The following ANKRD44 variants were observed in gnomAD, a reference collection of about 807,000 sequenced individuals.
ANKRD44 encodes serine/threonine-protein phosphatase 6 regulatory ankyrin repeat subunit B.
ANKRD44 carries 35 observed loss-of-function variants against 116.0 expected under a neutral mutation model. The observed-to-expected ratio is 0.30, with a 90% CI of 0.23 to 0.40. The LOEUF (loss-of-function observed/expected upper bound fraction) is 0.40. Ranked by LOEUF, ANKRD44 falls within the 10% of genes least tolerant of loss-of-function variation. The probability of loss-of-function intolerance (pLI) is 1.00; values close to 1 mark genes in which losing one functional copy is unlikely to be tolerated. For synonymous variants in ANKRD44, 435 were observed against 461.8 expected (o/e 0.94, Z 0.74); for missense variants, 1,014 against 1,242.6 (o/e 0.82, Z 2.77).
intron 4 of ANKRD44, among the ~76,000 whole-genome samples, chr2:197,133,763 T>A (rs1204811134): frequency 1.3e-5 from 2 of 152,026 alleles, no homozygotes; most frequent in Non-Finnish European, 2.9e-5. Context: ...TCCCCAACTA[T>A]TAGTTAGGAG....
intron 8 of ANKRD44, among the ~76,000 whole-genome samples, chr2:197,117,159 C>T (rs754171770): frequency 4.6e-5 from 7 of 150,592 alleles, no homozygotes; most frequent in Non-Finnish European, 7.4e-5. Context: ...GGCCCCAGAA[C>T]GGAACACTTA....
In ANKRD44 at chr2:197,077,128, G is replaced by A. The variant is rs111662302; in HGVS notation, c.1650+1575C>T. On this transcript the variant is annotated intron_variant, in intron 16 of 27. Transcript: ENST00000282272. Reference sequence around the variant, plus strand: ...ACTAATTTACACTCCCACCAACAATGTATAAACATTCCCTCTTCTCCACAA... The same window carrying A: ...ACTAATTTACACTCCCACCAACAATATATAAACATTCCCTCTTCTCCACAA... 2.6e-3 allele frequency among the ~76,000 whole-genome samples: 398 copies of A among 152,246 alleles called. 1 individual carries two copies. The highest frequency in any genetic ancestry group is 9.0e-3 in the African/African-American group (374 of 41,546).
chr2:197,020,820 T>TATAAACA (rs2076483107), intron 17 of ANKRD44, among the ~76,000 whole-genome samples: 2 of 151,364 alleles, frequency 1.3e-5, no homozygotes, highest in African/African-American at 4.9e-5. Flanking sequence ...TTATTATACT[T>TATAAACA]TAAGTTCTAG....
chr2:197,018,898 C>A (rs1220388593), intron 17 of ANKRD44, among the ~76,000 whole-genome samples: 4 of 152,130 alleles, frequency 2.6e-5, no homozygotes, highest in Admixed American at 1.3e-4. Context: ...GATGAAAAAA[C>A]CAAAACAAGC....
chr2:197,060,416 T>A (rs1046484308), intron 16 of ANKRD44, among the ~76,000 whole-genome samples: 1 of 152,206 alleles, frequency 6.6e-6, no homozygotes. Context: ...CAAGAAAAAA[T>A]TGCATGTATT....
rs761420474 is a variant in ANKRD44 at position 197,078,785 on chromosome 2, G to C, written c.1568C>G (p.Ala523Gly). 11 of 1,612,918 alleles carry C rather than the reference G, an allele frequency of 6.8e-6. No homozygotes were observed. The highest frequency in any genetic ancestry group is 8.5e-6 in the Non-Finnish European group (10 of 1,179,220). Residue 523 changes from alanine (A) to glycine (G), a missense_variant, in exon 16 of 28, where the codon GCA becomes GGA. Transcript: ENST00000282272. ...TTCCTTGTCCCGGATAGATGGATTT[G>C]CATCATTTTGAAGCAGAAACTCTAG... ...LCLEFLLQNDANPSIRDKEGY... is the reference protein window; with the variant it reads ...LCLEFLLQNDGNPSIRDKEGY...
At chr2:197,062,067 C>T (rs2077328000) in intron 16 of ANKRD44, among the ~76,000 whole-genome samples, 1 of 152,236 alleles carries the variant, frequency 6.6e-6, no homozygotes, top group Admixed American at 6.5e-5. Flanking sequence ...AGGCGTGAGC[C>T]ACCACACCCT....
chr2:197,005,888 C>T lies in ANKRD44; in HGVS notation c.2153G>A (p.Cys718Tyr), dbSNP rs1198495217. 6.2e-7 allele frequency: 1 copy of T among 1,614,240 alleles called. No individual in the cohort carries two copies. ...TTCTTGTTCCAGCAGCATTTGCACA[C>T]ATTCCTCGTGTCCTGTCATAATCTG... ...HRGIMTGHEE[C>Y]VQMLLEQEVS... The change falls in exon 21 of 28, where the codon TGT becomes TAT. Residue 718 changes from cysteine (C) to tyrosine (Y), a missense_variant. Physicochemically the swap from Cys to Tyr is radical, Grantham distance 194 (BLOSUM62 -2). Coordinates refer to ENST00000282272, the MANE Select transcript of ANKRD44 (RefSeq NM_001195144.2).
At chr2:197,256,805 A>G (rs1238256941) in intron 1 of ANKRD44, among the ~76,000 whole-genome samples, 1 of 152,170 alleles carries the variant, frequency 6.6e-6, no homozygotes, top group African/African-American at 2.4e-5. Flanking sequence ...CTCCTGTGCA[A>G]TGGGAGGCAG....
chr2:197,155,388 T>A (rs966003328), intron 2 of ANKRD44, among the ~76,000 whole-genome samples: 1 of 152,192 alleles, frequency 6.6e-6, no homozygotes, highest in Admixed American at 6.5e-5. Context: ...GTAAATACAA[T>A]GAAAGTTATT....
intron 1 of ANKRD44, among the ~76,000 whole-genome samples, chr2:197,197,299 G>T (rs1171123867): frequency 6.6e-6 from 1 of 152,090 alleles, no homozygotes; most frequent in East Asian, 1.9e-4. Flanking sequence ...AATATAAAAT[G>T]GGAAAATGGG....
chr2:196,998,598 G>A (rs562339116), intron 24 of ANKRD44, among the ~76,000 whole-genome samples, 179 bp from the exon 25 acceptor site: 29 of 152,178 alleles, frequency 1.9e-4, no homozygotes, highest in Non-Finnish European at 3.5e-4. Flanking sequence ...CAAATCCAAG[G>A]TTAATAGGCA....
chr2:197,184,996 G>T (rs1437386755), intron 2 of ANKRD44, among the ~76,000 whole-genome samples: 1 of 152,148 alleles, frequency 6.6e-6, no homozygotes, highest in Non-Finnish European at 1.5e-5. Flanking sequence ...AACTTTTTTG[G>T]TATGTATGAC....
intron 1 of ANKRD44, among the ~76,000 whole-genome samples, chr2:197,257,453 A>G (rs1050111413): frequency 2.0e-5 from 3 of 151,966 alleles, no homozygotes; most frequent in African/African-American, 4.8e-5. Context: ...AACTTCGGGG[A>G]AAAAAACAAT....
intron 24 of ANKRD44, 79 bp downstream of exon 24, chr2:196,998,828 G>GCA: frequency 6.4e-7 from 1 of 1,570,092 alleles, no homozygotes; most frequent in Non-Finnish European, 8.6e-7. Flanking sequence ...TATACTATGA[G>GCA]AACAACTGAT....
chr2:197,183,566 C>T (rs2080569434), intron 2 of ANKRD44, among the ~76,000 whole-genome samples: 1 of 152,298 alleles, frequency 6.6e-6, no homozygotes, highest in East Asian at 1.9e-4. Context: ...CACTATGACT[C>T]ATCCCCAAGG....
At chr2:197,279,888 G>A (rs561327506) in intron 1 of ANKRD44, among the ~76,000 whole-genome samples, 13 of 152,312 alleles carry the variant, frequency 8.5e-5, no homozygotes, top group African/African-American at 2.9e-4. Flanking sequence ...CCTGGGTACA[G>A]TGTCTTGTCC....
At chr2:197,097,347 T>C (rs2078184518) in intron 10 of ANKRD44, among the ~76,000 whole-genome samples, 1 of 152,172 alleles carries the variant, frequency 6.6e-6, no homozygotes, top group Non-Finnish European at 1.5e-5. Context: ...GTAAAGTCAG[T>C]TGGTGCCTAA....
chr2:197,049,321 C>T (rs1345517274), intron 16 of ANKRD44, among the ~76,000 whole-genome samples: 1 of 152,032 alleles, frequency 6.6e-6, no homozygotes, highest in African/African-American at 2.4e-5. Flanking sequence ...AGGAATAGAC[C>T]TATTTTCATA....
Sources: allele counts gnomAD v4.1 joint callset (sites outside exome capture counted in the v4.1 genomes callset), GRCh38; gene constraint gnomAD v4.1.1; transcripts MANE v1.5; gene names NCBI Gene and HGNC (gene_info 2026-07-23, HGNC 2026-07-21).